Variants in TLK2 observed in about 807,000 individuals in gnomAD.
TLK2 encodes tousled like kinase 2, also known as serine/threonine-protein kinase tousled-like 2.
In TLK2, 6 loss-of-function variants were observed where a neutral mutation model predicts 117.3. The observed-to-expected ratio is 0.05, with a 90% CI of 0.03 to 0.10. The LOEUF (loss-of-function observed/expected upper bound fraction) is 0.10, where lower values mean the gene tolerates loss of function less well. Ranked by LOEUF, TLK2 falls within the 10% of genes least tolerant of loss-of-function variation. TLK2 has a pLI of 1.00. For synonymous variants in TLK2, 257 were observed against 316.7 expected, an observed-to-expected ratio of 0.81 and a Z score of 2.00; for missense variants, 299 against 901.2, an observed-to-expected ratio of 0.33 and a Z score of 8.56.
chr17:62,510,852 G>A (rs2075087051), intron 2 of TLK2, among the ~76,000 whole-genome samples: 1 of 152,144 alleles, frequency 6.6e-6, no homozygotes, highest in Admixed American at 6.6e-5. Flanking sequence ...GTTGTTATGA[G>A]GGTTAAATGC....
At chr17:62,577,500 T>C (rs904105446) in intron 13 of TLK2, among the ~76,000 whole-genome samples, 7 of 152,198 alleles carry the variant, frequency 4.6e-5, no homozygotes, top group Admixed American at 4.6e-4. Flanking sequence ...AAAGAGAAAG[T>C]GTTATGTGAA....
At chr17:62,540,200 A>G (rs1232825210) in intron 7 of TLK2, among the ~76,000 whole-genome samples, 1 of 149,378 alleles carries the variant, frequency 6.7e-6, no homozygotes, top group South Asian at 2.1e-4. Context: ...GGCCTCCCAA[A>G]GTGCTGGGAT....
rs753372479 is a variant in TLK2, at chr17:62,574,353, C to T, written c.1121+986C>T. On this transcript the variant is annotated intron_variant, in intron 12 of 21. Coordinates refer to ENST00000346027, the MANE Select transcript of TLK2 (RefSeq NM_006852.6). ...TGCTTATTTTATGCTAGGCCCTCTT[C>T]TGGGAATACAGAGCTAAAGGATACA... is the stretch of plus-strand genomic sequence containing the variant. 14 of 1,548,454 alleles carry T rather than the reference C, an allele frequency of 9.0e-6. No homozygotes were observed. In the African/African-American group the frequency reaches 1.6e-4, roughly 18 times the overall value.
intron 16 of TLK2, among the ~76,000 whole-genome samples, chr17:62,590,180 C>A (rs1171226354): frequency 6.7e-6 from 1 of 149,688 alleles, no homozygotes; most frequent in East Asian, 2.0e-4. Context: ...GCCTGTAATC[C>A]CAGCACTTTG....
At chr17:62,597,410 C>G (rs1400379502) in intron 17 of TLK2, among the ~76,000 whole-genome samples, 2 of 152,150 alleles carry the variant, frequency 1.3e-5, no homozygotes, top group African/African-American at 4.8e-5. Flanking sequence ...GGTTTGATAA[C>G]CAGCTCACAA....
chr17:62,506,738 C>G (rs2074724697), intron 2 of TLK2, among the ~76,000 whole-genome samples: 1 of 151,972 alleles, frequency 6.6e-6, no homozygotes. Flanking sequence ...TAGTTTCTGT[C>G]TGTAATTTAA....
chr17:62,508,910 G>T (rs1211809184), intron 2 of TLK2, among the ~76,000 whole-genome samples: 2 of 152,170 alleles, frequency 1.3e-5, no homozygotes, highest in African/African-American at 4.8e-5. Context: ...GGAGGTTGTA[G>T]TGAGCCGAGA....
intron 9 of TLK2, among the ~76,000 whole-genome samples, chr17:62,555,410 C>T (rs2078780197): frequency 1.3e-5 from 2 of 151,824 alleles, no homozygotes; most frequent in South Asian, 4.2e-4. Flanking sequence ...TTATATAAAA[C>T]CTGGAATTCA....
chr17:62,482,332 G>C (rs561652591), intron 2 of TLK2, among the ~76,000 whole-genome samples: 1 of 152,130 alleles, frequency 6.6e-6, no homozygotes, highest in African/African-American at 2.4e-5. Flanking sequence ...CCTGGGTGTT[G>C]ATCTCGTGCT....
At chr17:62,596,818 A>T in intron 17 of TLK2, 144 bp downstream of exon 17, 1 of 687,470 alleles carries the variant, frequency 1.5e-6, no homozygotes, top group East Asian at 2.8e-5. Flanking sequence ...ACATAAATTC[A>T]GATTTGGATC....
intron 2 of TLK2, among the ~76,000 whole-genome samples, chr17:62,494,373 A>G (rs2073428906): frequency 6.6e-6 from 1 of 151,780 alleles, no homozygotes; most frequent in Non-Finnish European, 1.5e-5. Flanking sequence ...ATCAGCCACC[A>G]TGCCCAGCCA....
At chr17:62,575,272 C>T (rs189026618) in intron 12 of TLK2, among the ~76,000 whole-genome samples, 47 of 152,328 alleles carry the variant, frequency 3.1e-4, no homozygotes, top group Non-Finnish European at 1.5e-4. Context: ...GACCAGAAGC[C>T]AGAAGTAGGC....
chr17:62,563,151 C>T (rs1056127085), intron 10 of TLK2, among the ~76,000 whole-genome samples: 6 of 152,174 alleles, frequency 3.9e-5, no homozygotes, highest in African/African-American at 1.4e-4. Context: ...AATAGAACAG[C>T]TTGCATGAAT....
intron 21 of TLK2, among the ~76,000 whole-genome samples, chr17:62,609,219 A>T (rs916186364): frequency 2.0e-5 from 3 of 152,144 alleles, no homozygotes; most frequent in African/African-American, 7.2e-5. Context: ...AGAAGCTGGG[A>T]CTACAGGTGT....
At chr17:62,498,116 C>G (rs2073872216) in intron 2 of TLK2, among the ~76,000 whole-genome samples, 2 of 152,082 alleles carry the variant, frequency 1.3e-5, no homozygotes, top group South Asian at 4.1e-4. Context: ...GTCCATGTTT[C>G]TTTTGAATTC....
chr17:62,516,617 A>C, intron 2 of TLK2: 1 of 1,610,174 alleles, frequency 6.2e-7, no homozygotes, highest in Non-Finnish European at 8.5e-7. Flanking sequence ...CACTTGAGAG[A>C]CTGCATGGCC....
At chr17:62,550,318 T>A (rs1311161975) in intron 7 of TLK2, 1 of 152,234 alleles carries the variant, frequency 6.6e-6, no homozygotes, top group Non-Finnish European at 1.5e-5. Context: ...TCCCTGACCC[T>A]CTAAATTAGG....
intron 3 of TLK2, among the ~76,000 whole-genome samples, chr17:62,521,209 CTG>C (rs1388934604): frequency 1.3e-5 from 2 of 152,160 alleles, no homozygotes; most frequent in Non-Finnish European, 2.9e-5. Flanking sequence ...CTGTTAGACT[CTG>C]TGTAAATTGC....
At chr17:62,535,090 G>T (rs1041566343) in intron 6 of TLK2, among the ~76,000 whole-genome samples, 1 of 151,910 alleles carries the variant, frequency 6.6e-6, no homozygotes, top group Non-Finnish European at 1.5e-5. Flanking sequence ...GTTTCACCAC[G>T]TTGGCCAGGC....
Sources: gnomAD v4.1 joint callset for allele counts (sites outside exome capture counted in the v4.1 genomes callset) on GRCh38, gnomAD v4.1.1 for gene constraint, MANE v1.5 for transcripts, NCBI Gene and HGNC (gene_info 2026-07-23, HGNC 2026-07-21) for gene names.